Variants in RAB11B observed in about 807,000 individuals in gnomAD.
The protein encoded by RAB11B is ras-related protein Rab-11B.
A neutral mutation model predicts 23.7 loss-of-function variants in RAB11B; 7 were observed. That is an observed-to-expected ratio of 0.29 (90% CI 0.17 to 0.55). RAB11B has a LOEUF of 0.55. Ranked by LOEUF, RAB11B falls within the 20% of genes least tolerant of loss-of-function variation. The pLI, the probability that RAB11B is intolerant of heterozygous loss-of-function variation, is 0.93. For synonymous variants in RAB11B, 138 were observed against 132.0 expected (o/e 1.05, Z -0.31); for missense variants, 189 against 320.0 (o/e 0.59, Z 3.12).
intron 1 of RAB11B, among the ~76,000 whole-genome samples, chr19:8,398,558 G>A (rs59618136): frequency 6.6e-6 from 1 of 152,162 alleles, no homozygotes; most frequent in African/African-American, 2.4e-5. Flanking sequence ...GTGGCTGCAG[G>A]CTCTTTCCTC....
At chr19:8,394,955 A>T (rs972610318) in intron 1 of RAB11B, among the ~76,000 whole-genome samples, 3 of 152,174 alleles carry the variant, frequency 2.0e-5, no homozygotes, top group Non-Finnish European at 2.9e-5. Context: ...AAACAAACTG[A>T]TGGGGCTGAG....
In RAB11B at chr19:8,402,021, T is replaced by C. The variant is rs574269743; in HGVS notation, c.237-65T>C. The C allele has an allele frequency of 4.1e-6, 6 of 1,472,874 alleles. No individual in the cohort carries two copies. The East Asian group carries it at 7.4e-5, about 18-fold the overall frequency. The allele number at this position is 1,472,874 out of a possible 1,614,324, so 91.2% of individuals were successfully genotyped here. A position where few individuals can be genotyped will look rare whatever the true frequency, so the allele number is the denominator to read the frequency against. ...ACCCTGGGCGTGATGTGTGCTGTTA[T>C]CCCGTGAGGCTGCCGCTGCCCATGG... On this transcript the variant is annotated intron_variant, in intron 2 of 4. Coordinates refer to ENST00000328024, the MANE Select transcript of RAB11B (RefSeq NM_004218.4).
At position 8,396,937 on chromosome 19, in the gene RAB11B, TGA is replaced by T. The variant is rs1971402145; in HGVS notation, c.41-2922_41-2921del. On this transcript the variant is annotated intron_variant, in intron 1 of 4. Transcript: ENST00000328024. This position sits in a 1 kb window ranked among gnomAD's most constrained non-coding sequence, Gnocchi z 5.0. ...CGCACAGACAATACCTTCCAGGGTCTGAGAGTCTGGAATGGAATCGCCCAGGG... is the reference window on the plus strand; with the variant it reads ...CGCACAGACAATACCTTCCAGGGTCTGAGTCTGGAATGGAATCGCCCAGGG... Among the ~76,000 whole-genome samples, 1 of 152,180 alleles carries T rather than the reference TGA, an allele frequency of 6.6e-6. No homozygotes were observed. Among genetic ancestry groups the T allele is most frequent in the Non-Finnish European group, 1.5e-5 (1 of 68,024 alleles).
chr19:8,398,996 A>G (rs1971417522), intron 1 of RAB11B, among the ~76,000 whole-genome samples: 2 of 150,970 alleles, frequency 1.3e-5, no homozygotes, highest in Non-Finnish European at 2.9e-5. Flanking sequence ...TCTGTCACCC[A>G]GGCTGGAGTA....
chr19:8,402,673 T>TTTTTCTTTTTTTG, intron 4 of RAB11B, 108 bp downstream of exon 4: 1 of 910,990 alleles, frequency 1.1e-6, no homozygotes. Context: ...TTCTTTTTTT[T>TTTTTCTTTTTTTG]GTCGGGGCAG....
At chr19:8,401,024 T>C (rs1445850196) in intron 2 of RAB11B, among the ~76,000 whole-genome samples, 2 of 152,194 alleles carry the variant, frequency 1.3e-5, no homozygotes, top group Non-Finnish European at 2.9e-5. Flanking sequence ...CCTGAGTAGC[T>C]GGGGCTACAG....
chr19:8,396,797 A>G lies in RAB11B; in HGVS notation c.41-3066A>G, dbSNP rs1971400684. ...CCCCTGCGGAAGGTGGGGGCCACGG[A>G]GGGTTGTCTGCAGAGGAGGGAGGGA... On this transcript the variant is annotated intron_variant, in intron 1 of 4. Coordinates refer to ENST00000328024, the MANE Select transcript of RAB11B (RefSeq NM_004218.4). This position sits in a 1 kb window ranked among gnomAD's most constrained non-coding sequence, Gnocchi z 5.0. Among the ~76,000 whole-genome samples the G allele has an allele frequency of 6.7e-6, 1 of 149,142 alleles. No individual in the cohort carries two copies. Among genetic ancestry groups the G allele is most frequent in the Admixed American group, 6.7e-5 (1 of 15,032 alleles).
intron 1 of RAB11B, among the ~76,000 whole-genome samples, chr19:8,398,588 A>T (rs1347605064): frequency 1.3e-5 from 2 of 152,190 alleles, no homozygotes; most frequent in Non-Finnish European, 1.5e-5. Flanking sequence ...TCCTCAGGGC[A>T]CATTCCTGTT....
In RAB11B at chr19:8,396,715, G is replaced by T. The variant is rs2967611; in HGVS notation, c.41-3148G>T. ...TGGCTGGAGCAGAGTGAGCCGGGGG[G>T]GGGGCGGGAGGGAGGAGGGGAGGGC... On this transcript the variant is annotated intron_variant, in intron 1 of 4. Transcript: ENST00000328024. This position sits in a 1 kb window ranked among gnomAD's most constrained non-coding sequence, Gnocchi z 5.0. Among the ~76,000 whole-genome samples, 50 of 138,136 alleles carry T rather than the reference G, an allele frequency of 3.6e-4. 2 individuals are homozygous for T. The highest frequency in any genetic ancestry group is 1.9e-4 in the African/African-American group (7 of 36,590). The allele number at this position is 138,136 out of a possible 152,430, so 90.6% of individuals were successfully genotyped here.
In RAB11B at chr19:8,402,654, C is replaced by CTTGTTTTTTTCTTTTTGTTTTTTTCTTT. The variant is rs59585874; in HGVS notation, c.511+105_511+106insGTTTTTTTCTTTTTGTTTTTTTCTTTTT. The CTTGTTTTTTTCTTTTTGTTTTTTTCTTT allele has an allele frequency of 1.1e-5, 10 of 930,042 alleles. No homozygotes were observed. The Admixed American group carries it at 2.1e-4, about 19-fold the overall frequency. The allele number at this position is 930,042 out of a possible 1,614,324, so 57.6% of individuals were successfully genotyped here. A position where few individuals can be genotyped will look rare whatever the true frequency, so the allele number is the denominator to read the frequency against. ...AACCTTCGCTTGTTTTGTTCGTTTGCTTGTTTTTTTCTTTTTTTTGTCGGG... is the reference window on the plus strand; with the variant it reads ...AACCTTCGCTTGTTTTGTTCGTTTGCTTGTTTTTTTCTTTTTGTTTTTTTCTTTTTGTTTTTTTCTTTTTTTTGTCGGG... On this transcript the variant is annotated intron_variant, in intron 4 of 4. Transcript: ENST00000328024.
Position 8,393,196 on chromosome 19 carries a change from A to G in RAB11B, c.40+2740A>G, listed in dbSNP as rs189930321. Among the ~76,000 whole-genome samples, 110 of 152,236 alleles carry G rather than the reference A, an allele frequency of 7.2e-4. 3 individuals carry two copies. Among genetic ancestry groups the G allele is most frequent in the African/African-American group, 2.5e-3 (105 of 41,542 alleles). On this transcript the variant is annotated intron_variant, in intron 1 of 4. Transcript: ENST00000328024. ...CCTCCTAACATTTTCTCCTTTAGCC[A>G]TGGGCCATTTTCATAGCCTGCCACT...
At chr19:8,397,500 G>T (rs550332913) in intron 1 of RAB11B, among the ~76,000 whole-genome samples, 19 of 152,048 alleles carry the variant, frequency 1.2e-4, no homozygotes, top group Admixed American at 3.9e-4. Context: ...GCCCGGGGGA[G>T]TGGGGGTAGC....
chr19:8,395,378 A>G (rs1373975881), intron 1 of RAB11B, among the ~76,000 whole-genome samples: 2 of 146,262 alleles, frequency 1.4e-5, no homozygotes, highest in Non-Finnish European at 3.0e-5. Flanking sequence ...GGTTCAAATG[A>G]TTCTCTTGCC....
At chr19:8,399,444 A>G (rs1283331477) in intron 1 of RAB11B, among the ~76,000 whole-genome samples, 1 of 152,104 alleles carries the variant, frequency 6.6e-6, no homozygotes, top group East Asian at 1.9e-4. Context: ...CATTTGGAAA[A>G]AGTAGTCCAG....
chr19:8,400,238 G>A (rs189759506), intron 2 of RAB11B, 180 bp downstream of exon 2: 88 of 772,778 alleles, frequency 1.1e-4, no homozygotes, highest in Middle Eastern at 3.8e-4. Context: ...GCTGACCAGC[G>A]CCCAGCCTTC....
intron 1 of RAB11B, among the ~76,000 whole-genome samples, chr19:8,393,750 C>T (rs903955380): frequency 2.0e-5 from 3 of 152,128 alleles, no homozygotes; most frequent in African/African-American, 7.2e-5. Flanking sequence ...CACTGCTTGG[C>T]TCCGCCAGGC....
intron 2 of RAB11B, chr19:8,400,435 G>A (rs975225788): frequency 1.1e-5 from 3 of 261,882 alleles, no homozygotes; most frequent in Non-Finnish European, 2.3e-5. Context: ...TCCATTCCCT[G>A]CAAAGGCTTC....
At chr19:8,401,620 C>T (rs574903075) in intron 2 of RAB11B, among the ~76,000 whole-genome samples, 4 of 152,202 alleles carry the variant, frequency 2.6e-5, no homozygotes, top group African/African-American at 7.2e-5. Context: ...TTCCTGACCT[C>T]GTGATCCACC....
rs778110677 is a variant in RAB11B, at chr19:8,399,932, A to G, written c.110A>G (p.Asn37Ser). The G allele has an allele frequency of 1.2e-6, 2 of 1,614,190 alleles. No homozygotes were observed. The highest frequency in any genetic ancestry group is 8.5e-7 in the Non-Finnish European group (1 of 1,180,022). ...LLSRFTRNEFNLESKSTIGVE... is the reference protein window; with the variant it reads ...LLSRFTRNEFSLESKSTIGVE... ...TCGCGCTTCACCCGCAACGAGTTCA[A>G]CCTGGAGAGCAAGAGCACCATCGGC... The change falls in exon 2 of 5, where the codon AAC (asparagine) becomes AGC (serine). Residue 37 changes from asparagine to serine, a missense_variant. This residue lies in a region of RAB11B where 28 missense variants were observed against 43.1 expected (regional missense o/e 0.65). Transcript: ENST00000328024.
Sources: allele counts gnomAD v4.1 joint callset (sites outside exome capture counted in the v4.1 genomes callset), GRCh38; gene constraint gnomAD v4.1.1; regional missense constraint gnomAD v4.1.1; non-coding constraint Gnocchi (gnomAD v3.1); transcripts MANE v1.5; gene names NCBI Gene and HGNC (gene_info 2026-07-23, HGNC 2026-07-21).